Variants in DACH2 observed in about 807,000 individuals in gnomAD.
DACH2 encodes dachshund homolog 2.
A neutral mutation model predicts 35.8 loss-of-function variants in DACH2; 17 were observed. The ratio of observed to expected loss-of-function variants is 0.48; its 90% CI spans 0.33 to 0.71. DACH2 has a LOEUF of 0.71. Ranked by LOEUF, DACH2 falls within the 30% of genes least tolerant of loss-of-function variation. DACH2 has a pLI of 0.02. For synonymous variants in DACH2, 195 were observed against 177.3 expected (o/e 1.10, Z -0.79); for missense variants, 469 against 472.7 (o/e 0.99, Z 0.07).
chrX:86,319,199 T>C (rs1200246548), intron 1 of DACH2, among the ~76,000 whole-genome samples: 1 of 112,368 alleles, frequency 8.9e-6, no homozygotes. Flanking sequence ...ATTTTGTTAA[T>C]AGTTTCACAC....
intron 2 of DACH2, among the ~76,000 whole-genome samples, chrX:86,396,598 T>C (rs2036299140): frequency 9.2e-6 from 1 of 108,238 alleles, no homozygotes; most frequent in Non-Finnish European, 1.9e-5. Context: ...GTTTCAGCTT[T>C]CTACATATGG....
chrX:86,508,484 C>T (rs373821698), intron 2 of DACH2, among the ~76,000 whole-genome samples: 107 of 109,816 alleles, frequency 9.7e-4, no homozygotes, highest in African/African-American at 3.0e-3. Context: ...CACTTGAACC[C>T]GGGAAGCAGA....
At chrX:86,717,716 C>A (rs1318027308) in intron 6 of DACH2, among the ~76,000 whole-genome samples, 3 of 100,284 alleles carry the variant, frequency 3.0e-5, no homozygotes, top group Non-Finnish European at 6.0e-5. Flanking sequence ...AACCTGGGAG[C>A]AGTGGCGGTG....
At chrX:86,660,289 G>A (rs1393768055) in intron 4 of DACH2, among the ~76,000 whole-genome samples, 1 of 110,309 alleles carries the variant, frequency 9.1e-6, no homozygotes, top group Non-Finnish European at 1.9e-5. Flanking sequence ...CTGTCATTCT[G>A]TCACAGGAGA....
At chrX:86,585,570 T>C (rs2039559734) in intron 3 of DACH2, among the ~76,000 whole-genome samples, 1 of 110,494 alleles carries the variant, frequency 9.1e-6, no homozygotes, top group Non-Finnish European at 1.9e-5. Flanking sequence ...CAACCTTCCA[T>C]CCTCAGGTAG....
chrX:86,519,293 T>C lies in DACH2; in HGVS notation c.640+4902T>C, dbSNP rs12009325. Among the ~76,000 whole-genome samples, 859 of 112,133 alleles carry C rather than the reference T, an allele frequency of 7.7e-3. 11 individuals are homozygous for C. Among genetic ancestry groups the C allele is most frequent in the African/African-American group, 0.027 (822 of 30,888 alleles). ...CTTTTTGATGTGCTTCTGAATTCAA[T>C]ATGCAAGTGTTTTGTTCTGGATTTT... On this transcript the variant is annotated intron_variant, in intron 3 of 11. Coordinates refer to ENST00000373125, the MANE Select transcript of DACH2 (RefSeq NM_053281.3).
intron 3 of DACH2, among the ~76,000 whole-genome samples, chrX:86,624,057 AAAC>A (rs1294897217): frequency 1.7e-4 from 10 of 57,297 alleles, no homozygotes; most frequent in African/African-American, 5.5e-4. Flanking sequence ...CAAAAAAACA[AAAC>A]AAAAAAAAAA....
chrX:86,508,616 T>A (rs1256840029), intron 2 of DACH2, among the ~76,000 whole-genome samples: 1 of 110,802 alleles, frequency 9.0e-6, no homozygotes, highest in African/African-American at 3.3e-5. Flanking sequence ...TTAACAGGAA[T>A]TACACAAGCA....
chrX:86,493,936 T>G (rs1199120388), intron 2 of DACH2, among the ~76,000 whole-genome samples: 5 of 111,827 alleles, frequency 4.5e-5, no homozygotes, highest in Non-Finnish European at 9.4e-5. Context: ...CAATCTTGAT[T>G]GCCCTGAAAA....
intron 1 of DACH2, among the ~76,000 whole-genome samples, chrX:86,314,859 G>C (rs2034867807): frequency 1.8e-5 from 2 of 111,966 alleles, no homozygotes; most frequent in South Asian, 7.4e-4. Context: ...ATGGAAGCTA[G>C]CCAAAGTCAG....
At chrX:86,309,206 GT>G (rs1353866979) in intron 1 of DACH2, among the ~76,000 whole-genome samples, 1 of 112,446 alleles carries the variant, frequency 8.9e-6, no homozygotes, top group Non-Finnish European at 1.9e-5. Context: ...CATTTGGCCT[GT>G]ACAGAAGACA....
chrX:86,770,602 T>C (rs867192682), intron 7 of DACH2, among the ~76,000 whole-genome samples: 47 of 111,452 alleles, frequency 4.2e-4, no homozygotes, highest in African/African-American at 1.5e-3. Flanking sequence ...TGACAGTTTC[T>C]ATCATTATTT....
At chrX:86,254,062 A>G (rs2033453313) in intron 1 of DACH2, among the ~76,000 whole-genome samples, 1 of 112,212 alleles carries the variant, frequency 8.9e-6, no homozygotes, top group South Asian at 3.6e-4. Flanking sequence ...AATCAGCTCC[A>G]GAAACAATCC....
At chrX:86,568,062 C>A (rs745788003) in intron 3 of DACH2, among the ~76,000 whole-genome samples, 7 of 110,861 alleles carry the variant, frequency 6.3e-5, no homozygotes, top group Admixed American at 9.7e-5. Flanking sequence ...TAAAAAGGCC[C>A]CATACTGTAT....
At chrX:86,698,521 G>GTTT (rs767152609) in intron 5 of DACH2, among the ~76,000 whole-genome samples, 516 of 32,930 alleles carry the variant, frequency 0.016, 104 homozygotes, top group African/African-American at 0.038. Context: ...TTAGTTTTGT[G>GTTT]TTTTTTTTTT....
chrX:86,299,707 T>A (rs972937671), intron 1 of DACH2, among the ~76,000 whole-genome samples: 1 of 111,546 alleles, frequency 9.0e-6, no homozygotes. Context: ...TTCATTCAAA[T>A]GAAGAAGCAA....
chrX:86,174,214 C>T (rs2031228580), intron 1 of DACH2, among the ~76,000 whole-genome samples: 1 of 105,495 alleles, frequency 9.5e-6, no homozygotes, highest in Non-Finnish European at 1.9e-5. Context: ...CCTTGAATTC[C>T]CGAGCTCAAG....
At chrX:86,294,069 T>G (rs371318382) in intron 1 of DACH2, among the ~76,000 whole-genome samples, 1 of 111,727 alleles carries the variant, frequency 9.0e-6, no homozygotes, top group Non-Finnish European at 1.9e-5. Flanking sequence ...ACCAATCAGA[T>G]GTAGATTTGG....
intron 3 of DACH2, among the ~76,000 whole-genome samples, chrX:86,619,518 A>G (rs1448011179): frequency 8.9e-6 from 1 of 112,013 alleles, no homozygotes; most frequent in Admixed American, 9.5e-5. Context: ...AGATTTTTCT[A>G]TTTATAAGGA....
Sources: allele counts gnomAD v4.1 joint callset (sites outside exome capture counted in the v4.1 genomes callset), GRCh38; gene constraint gnomAD v4.1.1; transcripts MANE v1.5; gene names NCBI Gene and HGNC (gene_info 2026-07-23, HGNC 2026-07-21).